Variants in CDC42BPA observed in about 807,000 individuals in gnomAD.
CDC42BPA encodes CDC42 binding protein kinase alpha.
Under a neutral mutation model 223.5 loss-of-function variants are expected in CDC42BPA, and 80 were observed. The ratio of observed to expected loss-of-function variants is 0.36; its 90% confidence interval spans 0.30 to 0.43. The LOEUF is 0.43. CDC42BPA is among the 20% of genes least tolerant of loss of function. CDC42BPA has a pLI of 1.00. For synonymous variants in CDC42BPA, 694 were observed against 718.6 expected, an observed-to-expected ratio of 0.97 and a Z score of 0.55; for missense variants, 1,743 against 2,099.9, an observed-to-expected ratio of 0.83 and a Z score of 3.32.
rs1211744520 is a variant in CDC42BPA at position 227,258,733 on chromosome 1, G to GA, written c.179-4579dup. 2.1e-4 allele frequency among the ~76,000 whole-genome samples: 31 copies of GA among 150,850 alleles called. 2 individuals carry two copies. Among genetic ancestry groups the GA allele is most frequent in the African/African-American group, 5.9e-4 (24 of 40,354 alleles). On this transcript the variant is annotated intron_variant, in intron 1 of 36. Coordinates refer to ENST00000366766, the MANE Select transcript of CDC42BPA (RefSeq NM_001394014.1). ...CTGATTATACGTTCAACTTATTCCT[G>GA]AAAAAAGTTCATTAGCAATATTTAA...
intron 2 of CDC42BPA, among the ~76,000 whole-genome samples, chr1:227,231,645 T>C (rs1325131841): frequency 2.7e-5 from 3 of 110,970 alleles, no homozygotes; most frequent in African/African-American, 6.6e-5. Flanking sequence ...CCAGCACCTG[T>C]TGTTTCCTGA....
intron 2 of CDC42BPA, among the ~76,000 whole-genome samples, chr1:227,228,336 A>G (rs903751995): frequency 6.6e-6 from 1 of 152,200 alleles, no homozygotes; most frequent in African/African-American, 2.4e-5. Context: ...GCTCATTCAT[A>G]TTGTAGCATG....
intron 8 of CDC42BPA, among the ~76,000 whole-genome samples, chr1:227,145,002 T>C (rs1660452262): frequency 6.6e-6 from 1 of 152,160 alleles, no homozygotes; most frequent in Non-Finnish European, 1.5e-5. Context: ...ACCAAGTCAG[T>C]AGTGGGGATG....
At chr1:227,227,411 C>A (rs891380953) in intron 2 of CDC42BPA, among the ~76,000 whole-genome samples, 1 of 152,114 alleles carries the variant, frequency 6.6e-6, no homozygotes, top group Non-Finnish European at 1.5e-5. Context: ...ATGAAAATAA[C>A]ACTTTTTTAA....
intron 5 of CDC42BPA, among the ~76,000 whole-genome samples, chr1:227,175,349 CAG>C (rs1176899919): frequency 6.6e-6 from 1 of 151,922 alleles, no homozygotes; most frequent in East Asian, 1.9e-4. Context: ...AGAAAACCTC[CAG>C]AGAGACATCA....
At chr1:227,277,178 ACTTTAAAAT>A (rs925511565) in intron 1 of CDC42BPA, among the ~76,000 whole-genome samples, 3 of 152,248 alleles carry the variant, frequency 2.0e-5, no homozygotes, top group African/African-American at 7.2e-5. Flanking sequence ...ACGCCAATAA[ACTTTAAAAT>A]TAAAAGTGGG....
At position 227,246,610 on chromosome 1, in the gene CDC42BPA, T is replaced by C. The variant is rs186823106; in HGVS notation, c.270+7454A>G. On this transcript the variant is annotated intron_variant, in intron 2 of 36. Coordinates refer to ENST00000366766, the MANE Select transcript of CDC42BPA (RefSeq NM_001394014.1). ...TAATCCAGAGAAAACTTTTGGATCT[T>C]ATCCAAGACCACCAAGACAATACCT... Among the ~76,000 whole-genome samples the C allele has an allele frequency of 5.4e-4, 82 of 152,264 alleles. 1 individual carries two copies. Among genetic ancestry groups the C allele is most frequent in the African/African-American group, 1.9e-3 (77 of 41,562 alleles).
At chr1:227,033,704 T>C (rs1669734599) in intron 26 of CDC42BPA, among the ~76,000 whole-genome samples, 1 of 152,162 alleles carries the variant, frequency 6.6e-6, no homozygotes, top group Admixed American at 6.5e-5. Flanking sequence ...CCCTGGTAGG[T>C]CTCTGGAGCC....
intron 1 of CDC42BPA, among the ~76,000 whole-genome samples, chr1:227,293,354 TACCACAAA>T: frequency 6.6e-6 from 1 of 152,152 alleles, no homozygotes; most frequent in Non-Finnish European, 1.5e-5. Context: ...TTCTAAAAAT[TACCACAAA>T]AAGAGAATTA....
chr1:227,148,836 T>C (rs994399730), intron 6 of CDC42BPA, among the ~76,000 whole-genome samples: 5 of 111,250 alleles, frequency 4.5e-5, no homozygotes, highest in South Asian at 5.3e-4. Context: ...TATAAACATA[T>C]AAAAGAACTT....
At chr1:227,034,573 T>C (rs1669898635) in intron 26 of CDC42BPA, 82 bp downstream of exon 26, 8 of 1,292,792 alleles carry the variant, frequency 6.2e-6, no homozygotes, top group African/African-American at 1.5e-5. Context: ...AAATAAACCA[T>C]GGCAACACAA....
At position 227,218,803 on chromosome 1, in the gene CDC42BPA, C is replaced by T. The variant is rs559793648; in HGVS notation, c.271-5584G>A. The stretch of plus-strand genomic sequence containing the variant: ...GCATTTTTAAAAACTGTTCTGTGAG[C>T]GACCAATTTGTGTTCAAAATATTTA... On this transcript the variant is annotated intron_variant, in intron 2 of 36. Coordinates refer to ENST00000366766, the MANE Select transcript of CDC42BPA (RefSeq NM_001394014.1). Among the ~76,000 whole-genome samples the T allele has an allele frequency of 1.9e-4, 29 of 152,164 alleles. 1 individual carries two copies. The highest frequency in any genetic ancestry group is 7.7e-4 in the East Asian group (4 of 5,186).
At chr1:227,176,648 G>A (rs891118699) in intron 5 of CDC42BPA, among the ~76,000 whole-genome samples, 9 of 151,892 alleles carry the variant, frequency 5.9e-5, no homozygotes, top group Non-Finnish European at 1.3e-4. Context: ...TCCTTATACT[G>A]ATATCTCTAT....
chr1:227,012,638 A>C (rs1294235420), intron 34 of CDC42BPA, among the ~76,000 whole-genome samples: 1 of 152,190 alleles, frequency 6.6e-6, no homozygotes, highest in African/African-American at 2.4e-5. Context: ...TCTGGGACAC[A>C]TGCTCTCTGA....
At chr1:227,113,924 G>A (rs2149398964) in intron 12 of CDC42BPA, among the ~76,000 whole-genome samples, 1 of 150,250 alleles carries the variant, frequency 6.7e-6, no homozygotes, top group African/African-American at 2.4e-5. Context: ...CTACTAAGGT[G>A]GGAAGATGAC....
At chr1:227,203,600 G>C (rs1012789272) in intron 3 of CDC42BPA, among the ~76,000 whole-genome samples, 13 of 151,916 alleles carry the variant, frequency 8.6e-5, no homozygotes, top group Non-Finnish European at 8.8e-5. Context: ...TTTAAAAACA[G>C]AATATTTGAT....
At chr1:227,168,844 T>C (rs1665610184) in intron 5 of CDC42BPA, among the ~76,000 whole-genome samples, 1 of 152,134 alleles carries the variant, frequency 6.6e-6, no homozygotes, top group African/African-American at 2.4e-5. Flanking sequence ...ATATCTTTCA[T>C]CAAATTTGAG....
intron 5 of CDC42BPA, chr1:227,178,267 T>G (rs892162715): frequency 2.6e-5 from 4 of 152,202 alleles, no homozygotes; most frequent in African/African-American, 9.7e-5. Flanking sequence ...CCCCATACTG[T>G]TTTCATGATA....
At chr1:227,027,835 G>A (rs1191885965) in intron 30 of CDC42BPA, among the ~76,000 whole-genome samples, 1 of 152,160 alleles carries the variant, frequency 6.6e-6, no homozygotes, top group Non-Finnish European at 1.5e-5. Context: ...TATTCAATGA[G>A]TCTGGGTGTG....
Sources: allele counts gnomAD v4.1 joint callset (sites outside exome capture counted in the v4.1 genomes callset), GRCh38; gene constraint gnomAD v4.1.1; transcripts MANE v1.5; gene names NCBI Gene and HGNC (gene_info 2026-07-23, HGNC 2026-07-21).